Variants in TSPAN15 observed in about 807,000 individuals in gnomAD.
The protein encoded by TSPAN15 is tetraspanin-15.
Under a neutral mutation model 34.5 loss-of-function variants are expected in TSPAN15, and 20 were observed. The observed-to-expected ratio is 0.58, with a 90% CI of 0.41 to 0.84. The LOEUF (loss-of-function observed/expected upper bound fraction) is 0.84, where lower values mean the gene tolerates loss of function less well. Among genes scored for constraint, TSPAN15 ranks in the 40% least tolerant of loss-of-function variants. The probability of loss-of-function intolerance (pLI) is 0.00; values close to 1 mark genes in which losing one functional copy is unlikely to be tolerated. For synonymous variants in TSPAN15, 155 were observed against 153.9 expected (o/e 1.01, Z -0.05); for missense variants, 313 against 386.1 (o/e 0.81, Z 1.59).
chr10:69,483,402 AAGGACACC>A (rs200091475), intron 1 of TSPAN15, among the ~76,000 whole-genome samples: 2,862 of 152,172 alleles, frequency 0.019, 105 homozygotes, highest in African/African-American at 0.066. Context: ...TTCCCCTTAT[AAGGACACC>A]AGTCATATTG....
chr10:69,534,749 G>A, the TSPAN15 span, among the ~76,000 whole-genome samples: 3 of 151,516 alleles, frequency 2.0e-5, no homozygotes, highest in African/African-American at 7.3e-5. Context: ...TTGGGAGGCT[G>A]AGGTGGGAGG....
the TSPAN15 span, among the ~76,000 whole-genome samples, chr10:69,518,182 G>A: frequency 1.3e-5 from 2 of 152,204 alleles, no homozygotes; most frequent in South Asian, 2.1e-4. Context: ...TGCATTGAAC[G>A]CAATGAATAG....
At chr10:69,538,487 C>G in the TSPAN15 span, among the ~76,000 whole-genome samples, 1 of 152,258 alleles carries the variant, frequency 6.6e-6, no homozygotes, top group Non-Finnish European at 1.5e-5. Flanking sequence ...ACCTTCCCCA[C>G]TTACTAGCTA....
the TSPAN15 span, among the ~76,000 whole-genome samples, chr10:69,530,814 C>CTATA: frequency 8.2e-5 from 5 of 61,348 alleles, no homozygotes; most frequent in Admixed American, 2.2e-4. Context: ...CTCTCTCTCT[C>CTATA]TCTCTCTATA....
intron 2 of TSPAN15, chr10:69,484,156 C>A: frequency 3.0e-6 from 1 of 337,926 alleles, no homozygotes. Flanking sequence ...TGAGAGCAAG[C>A]AAAGACAAAA....
At chr10:69,534,689 T>G in the TSPAN15 span, among the ~76,000 whole-genome samples, 26 of 151,998 alleles carry the variant, frequency 1.7e-4, no homozygotes, top group African/African-American at 5.5e-4. Flanking sequence ...AAATAGAAAC[T>G]CTATAATATT....
At chr10:69,488,754 G>C (rs1301592405) in intron 3 of TSPAN15, among the ~76,000 whole-genome samples, 1 of 152,184 alleles carries the variant, frequency 6.6e-6, no homozygotes, top group East Asian at 1.9e-4. Flanking sequence ...AAGATCACAT[G>C]CTTCAAAGGG....
the TSPAN15 span, among the ~76,000 whole-genome samples, chr10:69,535,677 C>T: frequency 2.6e-5 from 4 of 152,352 alleles, no homozygotes; most frequent in South Asian, 4.1e-4. Context: ...GCACCCACAC[C>T]CAACTCCCTG....
chr10:69,501,852 T>C (rs776740783), intron 5 of TSPAN15, among the ~76,000 whole-genome samples: 1 of 152,198 alleles, frequency 6.6e-6, no homozygotes, highest in Non-Finnish European at 1.5e-5. Flanking sequence ...TAGAGTCGCA[T>C]AGGAGTGTGA....
chr10:69,495,502 G>T (rs1206940807), intron 3 of TSPAN15, 92 bp from the exon 4 acceptor site: 2 of 918,084 alleles, frequency 2.2e-6, no homozygotes, highest in African/African-American at 3.3e-5. Flanking sequence ...TTGGCACAAG[G>T]CATTCTCTAC....
Position 69,471,066 on chromosome 10 carries a change from C to T in TSPAN15, c.97-12625C>T, listed in dbSNP as rs193173514. ...CCCCAGCTTCCCTAGCCTTCCTCCC[C>T]GTTTTATTTTTCTTAGTAGCACTTA... On this transcript the variant is annotated intron_variant, in intron 1 of 7. Coordinates refer to ENST00000373290, the MANE Select transcript of TSPAN15 (RefSeq NM_012339.5). Among the ~76,000 whole-genome samples the T allele has an allele frequency of 3.4e-3, 511 of 152,290 alleles. 17 individuals carry two copies. Among genetic ancestry groups the T allele is most frequent in the Admixed American group, 5.4e-3 (82 of 15,294 alleles).
intron 3 of TSPAN15, among the ~76,000 whole-genome samples, chr10:69,485,487 C>G (rs980692301): frequency 1.1e-4 from 16 of 151,998 alleles, no homozygotes; most frequent in African/African-American, 3.9e-4. Flanking sequence ...GGAAGCTGAG[C>G]AGAAATGAGC....
chr10:69,525,803 A>G, the TSPAN15 span, among the ~76,000 whole-genome samples: 1 of 135,818 alleles, frequency 7.4e-6, no homozygotes, highest in Non-Finnish European at 1.6e-5. Flanking sequence ...CCTGGGAGAC[A>G]GAGCAAGACT....
In TSPAN15 at chr10:69,506,539, T is replaced by G. The variant is rs1199493750; in HGVS notation, c.736-290T>G. On this transcript the variant is annotated intron_variant, in intron 7 of 7. Transcript: ENST00000373290. This position sits in a 1 kb window ranked among gnomAD's most constrained non-coding sequence, Gnocchi z 4.7. ...CAGTGACTTGCCAAGATCCCCTAGATAGTGTGCAGCAGAGCTGGGGTGGAG... is the reference window on the plus strand; with the variant it reads ...CAGTGACTTGCCAAGATCCCCTAGAGAGTGTGCAGCAGAGCTGGGGTGGAG... Among the ~76,000 whole-genome samples, 4 of 152,088 alleles carry G rather than the reference T, an allele frequency of 2.6e-5. No homozygotes were observed. The highest frequency in any genetic ancestry group is 6.5e-5 in the Admixed American group (1 of 15,280).
chr10:69,477,074 G>A (rs1416517007), intron 1 of TSPAN15, among the ~76,000 whole-genome samples: 2 of 152,124 alleles, frequency 1.3e-5, no homozygotes, highest in African/African-American at 2.4e-5. Flanking sequence ...GTTTTCTCCC[G>A]AGTAAGTTGG....
chr10:69,524,481 A>G, the TSPAN15 span, among the ~76,000 whole-genome samples: 534 of 147,466 alleles, frequency 3.6e-3, 28 homozygotes, highest in African/African-American at 0.012. Context: ...AAAAACAAAA[A>G]ACAAACAAAC....
chr10:69,522,120 A>C, the TSPAN15 span, among the ~76,000 whole-genome samples: 1 of 147,372 alleles, frequency 6.8e-6, no homozygotes, highest in Non-Finnish European at 1.5e-5. Context: ...CAGCACTTTG[A>C]GAGGCTGAGG....
Position 69,483,720 on chromosome 10 carries a change from C to A in TSPAN15, c.126C>A (p.Gly42=), listed in dbSNP as rs1487774174. The change falls in exon 2 of 8, where the codon GGC becomes GGA. Residue 42 remains glycine, a synonymous_variant. Transcript: ENST00000373290. ...TTGGGGCCCTGGTCCTGTCTGTGGG[C>A]ATCTATGCAGAGGTTGAGCGGCAGA... ...WLIGALVLSV[G]IYAEVERQKY... 6.2e-7 allele frequency: 1 copy of A among 1,614,122 alleles called. No individual in the cohort carries two copies. Among genetic ancestry groups the A allele is most frequent in the Admixed American group, 1.7e-5 (1 of 60,024 alleles).
intron 4 of TSPAN15, 46 bp downstream of exon 4, chr10:69,495,735 G>GC (rs1842066924): frequency 1.5e-6 from 2 of 1,371,586 alleles, no homozygotes; most frequent in Admixed American, 3.4e-5. Flanking sequence ...CGTGCTCTTA[G>GC]CCCCCCATTC....
Sources: gnomAD v4.1 joint callset for allele counts (sites outside exome capture counted in the v4.1 genomes callset) on GRCh38, gnomAD v4.1.1 for gene constraint, Gnocchi (gnomAD v3.1) non-coding constraint, MANE v1.5 for transcripts, NCBI Gene and HGNC (gene_info 2026-07-23, HGNC 2026-07-21) for gene names.